Variants in DCC observed in about 807,000 individuals in gnomAD.
DCC encodes the protein netrin receptor DCC.
Under a neutral mutation model 172.5 loss-of-function variants are expected in DCC, and 58 were observed. The ratio of observed to expected loss-of-function variants is 0.34; its 90% CI spans 0.27 to 0.42. DCC has a LOEUF of 0.42. Ranked by LOEUF, DCC falls within the 10% of genes least tolerant of loss-of-function variation. The pLI is 1.00. For synonymous variants in DCC, 709 were observed against 644.5 expected, an observed-to-expected ratio of 1.10 and a Z score of -1.52; for missense variants, 1,740 against 1,791.0, an observed-to-expected ratio of 0.97 and a Z score of 0.51.
chr18:52,858,392 A>G (rs1323432868), intron 2 of DCC, among the ~76,000 whole-genome samples: 1 of 152,188 alleles, frequency 6.6e-6, no homozygotes, highest in Non-Finnish European at 1.5e-5. Flanking sequence ...CAATTCCAGC[A>G]GTACTCAGTT....
At position 53,482,200 on chromosome 18, in the gene DCC, T is replaced by G. The variant is rs1053133485; in HGVS notation, c.3737-4597T>G. 1.1e-4 allele frequency among the ~76,000 whole-genome samples: 16 copies of G among 152,178 alleles called. 1 individual carries two copies. The highest frequency in any genetic ancestry group is 3.9e-4 in the African/African-American group (16 of 41,456). On this transcript the variant is annotated intron_variant, in intron 25 of 28. Coordinates refer to ENST00000442544, the MANE Select transcript of DCC (RefSeq NM_005215.4). ...GATTATTTTTTGTTATAAGTAAATG[T>G]AGACTTCTGTGCCTTTTCAGAAATG... is the stretch of plus-strand genomic sequence containing the variant.
intron 5 of DCC, among the ~76,000 whole-genome samples, chr18:53,008,138 TATA>T (rs138653844): frequency 0.13 from 19,484 of 152,054 alleles, 1,489 homozygotes; most frequent in East Asian, 0.3. Context: ...GAAATCTGAC[TATA>T]ATAAGAAAAT....
chr18:53,361,401 T>C (rs1009567267), intron 15 of DCC, among the ~76,000 whole-genome samples: 1 of 152,142 alleles, frequency 6.6e-6, no homozygotes, highest in African/African-American at 2.4e-5. Context: ...CATTTCCTAC[T>C]TAATAAAGCA....
intron 1 of DCC, among the ~76,000 whole-genome samples, chr18:52,443,232 T>C (rs932419583): frequency 3.9e-5 from 6 of 152,178 alleles, no homozygotes; most frequent in Non-Finnish European, 8.8e-5. Flanking sequence ...ATTAGATTCA[T>C]TGGATGTGCC....
intron 2 of DCC, among the ~76,000 whole-genome samples, chr18:52,904,031 A>G (rs2039845570): frequency 6.6e-6 from 1 of 152,248 alleles, no homozygotes; most frequent in Admixed American, 6.5e-5. Context: ...ACTGAAAAAG[A>G]ATAAAATTAG....
At chr18:53,450,448 A>T in intron 22 of DCC, 52 bp from the exon 23 acceptor site, 1 of 1,605,336 alleles carries the variant, frequency 6.2e-7, no homozygotes, top group Non-Finnish European at 8.5e-7. Flanking sequence ...GCTTGGTAAA[A>T]CTTCTGCCAC....
chr18:52,774,727 G>A (rs999677681), intron 2 of DCC, among the ~76,000 whole-genome samples: 6 of 151,230 alleles, frequency 4.0e-5, no homozygotes, highest in Non-Finnish European at 5.9e-5. Context: ...CCCCACTCAT[G>A]GCTGCTGGAC....
chr18:52,915,739 G>C (rs2040030434), intron 3 of DCC, among the ~76,000 whole-genome samples: 1 of 151,978 alleles, frequency 6.6e-6, no homozygotes, highest in Non-Finnish European at 1.5e-5. Flanking sequence ...AAGAGAGGCA[G>C]AAAAGAGGAA....
At chr18:52,482,527 T>C (rs2030008997) in intron 1 of DCC, among the ~76,000 whole-genome samples, 1 of 152,106 alleles carries the variant, frequency 6.6e-6, no homozygotes, top group Non-Finnish European at 1.5e-5. Context: ...GAGAGCTGTT[T>C]CTGTTTTAGC....
intron 22 of DCC, among the ~76,000 whole-genome samples, chr18:53,445,269 G>C (rs1912524665): frequency 6.6e-6 from 1 of 152,122 alleles, no homozygotes; most frequent in African/African-American, 2.4e-5. Flanking sequence ...AAATTATTAA[G>C]ACATATGTAG....
intron 6 of DCC, chr18:53,063,709 A>G: frequency 2.3e-6 from 1 of 435,866 alleles, no homozygotes; most frequent in Non-Finnish European, 4.2e-6. Flanking sequence ...ACAAAAATAA[A>G]TGAAATACAG....
At chr18:52,825,482 C>T (rs1004111111) in intron 2 of DCC, among the ~76,000 whole-genome samples, 31 of 151,980 alleles carry the variant, frequency 2.0e-4, no homozygotes, top group Admixed American at 3.9e-4. Context: ...TTTTGTTTGC[C>T]TTTTTTGTTA....
chr18:52,533,627 A>G (rs985120053), intron 1 of DCC, among the ~76,000 whole-genome samples: 4 of 152,146 alleles, frequency 2.6e-5, no homozygotes, highest in Non-Finnish European at 5.9e-5. Flanking sequence ...CAGTTTGTTT[A>G]ACCATTCACC....
chr18:53,296,344 CT>C (rs2057067692), intron 12 of DCC, among the ~76,000 whole-genome samples: 1 of 152,110 alleles, frequency 6.6e-6, no homozygotes, highest in South Asian at 2.1e-4. Context: ...TAAAGTAGTT[CT>C]GATTTACTAC....
chr18:53,149,891 A>G (rs2043972973), intron 7 of DCC, among the ~76,000 whole-genome samples: 1 of 152,158 alleles, frequency 6.6e-6, no homozygotes, highest in African/African-American at 2.4e-5. Flanking sequence ...TTGCTGTATG[A>G]TTCTGGGATA....
At chr18:53,165,395 T>C (rs1307428544) in intron 8 of DCC, among the ~76,000 whole-genome samples, 1 of 152,178 alleles carries the variant, frequency 6.6e-6, no homozygotes, top group Non-Finnish European at 1.5e-5. Flanking sequence ...TTTGATGTGG[T>C]GTTTACATAT....
chr18:53,498,561 G>GAA (rs10686831), intron 26 of DCC, among the ~76,000 whole-genome samples: 11,571 of 139,706 alleles, frequency 0.083, 1,174 homozygotes, highest in African/African-American at 0.23. Flanking sequence ...GTGTTCTCTG[G>GAA]AAAAAAAAAA....
chr18:52,570,469 CTT>C (rs2033266700), intron 1 of DCC, among the ~76,000 whole-genome samples: 1 of 152,124 alleles, frequency 6.6e-6, no homozygotes. Context: ...TAAATCATCT[CTT>C]GGTATTTGAG....
chr18:52,984,502 A>C (rs916113449), intron 5 of DCC, among the ~76,000 whole-genome samples: 1 of 152,146 alleles, frequency 6.6e-6, no homozygotes, highest in African/African-American at 2.4e-5. Context: ...GTGTATCATG[A>C]TAATGGCTTT....
Sources: allele counts gnomAD v4.1 joint callset (sites outside exome capture counted in the v4.1 genomes callset), GRCh38; gene constraint gnomAD v4.1.1; transcripts MANE v1.5; gene names NCBI Gene and HGNC (gene_info 2026-07-23, HGNC 2026-07-21).